Variants in LONP2 observed in about 807,000 individuals in gnomAD.
The protein encoded by LONP2 is lon peptidase 2, peroxisomal.
A neutral mutation model predicts 85.6 loss-of-function variants in LONP2; 60 were observed. The observed-to-expected ratio is 0.70, with a 90% CI of 0.57 to 0.87. LONP2 has a LOEUF of 0.87. LONP2 is among the 40% of genes least tolerant of loss of function. The pLI is 0.00. For synonymous variants in LONP2, 395 were observed against 389.7 expected (o/e 1.01, Z -0.16); for missense variants, 860 against 1,063.5 (o/e 0.81, Z 2.66).
intron 9 of LONP2, 127 bp downstream of exon 9, chr16:48,296,292 G>T (rs1235747596): frequency 9.5e-7 from 1 of 1,055,574 alleles, no homozygotes; most frequent in African/African-American, 1.6e-5. Context: ...AAGTTCTGAG[G>T]AATGTATATA....
intron 4 of LONP2, among the ~76,000 whole-genome samples, chr16:48,259,218 G>C (rs1596914730): frequency 6.6e-6 from 1 of 152,068 alleles, no homozygotes; most frequent in South Asian, 2.1e-4. Context: ...TCAGTGGCTT[G>C]ATAAATATTC....
intron 11 of LONP2, among the ~76,000 whole-genome samples, chr16:48,317,979 G>A (rs1186593013): frequency 6.6e-6 from 1 of 152,072 alleles, no homozygotes; most frequent in Non-Finnish European, 1.5e-5. Flanking sequence ...TCAACCTAAT[G>A]TAGTGGAAGG....
At chr16:48,285,829 T>C (rs1239975123) in intron 8 of LONP2, among the ~76,000 whole-genome samples, 1 of 152,222 alleles carries the variant, frequency 6.6e-6, no homozygotes, top group Non-Finnish European at 1.5e-5. Flanking sequence ...TTTACCACTT[T>C]TATGTGTACA....
chr16:48,288,901 AC>A (rs771691639), intron 8 of LONP2, among the ~76,000 whole-genome samples: 1 of 152,220 alleles, frequency 6.6e-6, no homozygotes, highest in Non-Finnish European at 1.5e-5. Context: ...ATATATATGT[AC>A]CAGTGTGCCC....
chr16:48,311,486 T>A (rs1454083194), intron 11 of LONP2, among the ~76,000 whole-genome samples: 1 of 151,966 alleles, frequency 6.6e-6, no homozygotes, highest in Non-Finnish European at 1.5e-5. Flanking sequence ...CTTCAATGAA[T>A]TTTTTATTTC....
intron 12 of LONP2, among the ~76,000 whole-genome samples, chr16:48,336,990 C>T (rs747543938): frequency 3.3e-5 from 5 of 152,188 alleles, no homozygotes; most frequent in Non-Finnish European, 5.9e-5. Flanking sequence ...CACAGTCTAC[C>T]TCTGCTTTTG....
At chr16:48,277,545 T>C in intron 8 of LONP2, 66 bp downstream of exon 8, 1 of 1,517,770 alleles carries the variant, frequency 6.6e-7, no homozygotes, top group Non-Finnish European at 9.0e-7. Flanking sequence ...TTGATAATCA[T>C]ATTCAAGTGA....
chr16:48,334,541 G>T, intron 12 of LONP2, 183 bp downstream of exon 12: 1 of 737,100 alleles, frequency 1.4e-6, no homozygotes, highest in East Asian at 2.5e-5. Context: ...GACTGCATGG[G>T]GGCGCAGGCG....
At chr16:48,341,293 C>A (rs544427275) in intron 12 of LONP2, among the ~76,000 whole-genome samples, 1 of 151,988 alleles carries the variant, frequency 6.6e-6, no homozygotes, top group East Asian at 1.9e-4. Flanking sequence ...GAGTGAGACT[C>A]CATCTCAAAA....
Position 48,277,368 on chromosome 16 carries a change from C to T in LONP2, c.1272C>T (p.Arg424=), listed in dbSNP as rs1402785387. 7 of 1,613,406 alleles carry T rather than the reference C, an allele frequency of 4.3e-6. No individual in the cohort carries two copies. The South Asian group carries it at 6.6e-5, about 15-fold the overall frequency. ...RRTYVGSMPG[R]IINGLKTVGV... ...CCTATGTTGGCAGCATGCCTGGTCG[C>T]ATCATCAACGGCTTGAAGACTGTGG... is the stretch of plus-strand genomic sequence containing the variant. Residue 424 remains arginine (R), a synonymous_variant, in exon 8 of 15, where the codon CGC becomes CGT. Transcript: ENST00000285737.
intron 11 of LONP2, among the ~76,000 whole-genome samples, chr16:48,309,527 G>C (rs1183896809): frequency 6.6e-6 from 1 of 152,094 alleles, no homozygotes; most frequent in Non-Finnish European, 1.5e-5. Context: ...ATAGAGTGTG[G>C]AATAATAGAC....
chr16:48,322,071 C>T (rs559250740), intron 11 of LONP2, among the ~76,000 whole-genome samples: 1 of 151,704 alleles, frequency 6.6e-6, no homozygotes, highest in East Asian at 1.9e-4. Context: ...CAGGTGTGTG[C>T]CACCACACCC....
intron 2 of LONP2, 91 bp from the exon 3 acceptor site, chr16:48,256,519 C>G: frequency 1.5e-6 from 2 of 1,343,850 alleles, no homozygotes; most frequent in African/African-American, 2.9e-5. Flanking sequence ...AAGACTGAGG[C>G]CCAAACATTA....
chr16:48,262,757 C>T (rs778918922), intron 5 of LONP2, 21 bp from the exon 6 acceptor site: 5 of 1,470,018 alleles, frequency 3.4e-6, no homozygotes, highest in South Asian at 2.4e-5. Context: ...AACATGTTTG[C>T]TGTGTATTCT....
chr16:48,349,781 AAATGG>A (rs1960083788), intron 14 of LONP2, among the ~76,000 whole-genome samples: 3 of 152,258 alleles, frequency 2.0e-5, no homozygotes, highest in East Asian at 3.8e-4. Context: ...ACAAACAGGA[AAATGG>A]AATGGAACAA....
intron 13 of LONP2, 36 bp from the exon 14 acceptor site, chr16:48,348,063 AT>A (rs1960024446): frequency 6.5e-7 from 1 of 1,545,664 alleles, no homozygotes. Context: ...AACAGGTTTA[AT>A]TTTTCTACAT....
intron 3 of LONP2, among the ~76,000 whole-genome samples, chr16:48,258,122 A>C (rs139260860): frequency 0.012 from 1,866 of 152,198 alleles, 40 homozygotes; most frequent in African/African-American, 0.042. Flanking sequence ...CCGAGGTGGG[A>C]AGATCACGAG....
At chr16:48,323,619 C>A (rs1461990397) in intron 11 of LONP2, among the ~76,000 whole-genome samples, 3 of 150,584 alleles carry the variant, frequency 2.0e-5, no homozygotes, top group African/African-American at 7.4e-5. Flanking sequence ...GATTGTGCCA[C>A]TGCACTCCAG....
At chr16:48,286,510 T>C (rs1214193972) in intron 8 of LONP2, among the ~76,000 whole-genome samples, 1 of 151,936 alleles carries the variant, frequency 6.6e-6, no homozygotes, top group Non-Finnish European at 1.5e-5. Flanking sequence ...TGACTTCTCT[T>C]TTTCTTTTTT....
Sources: allele counts gnomAD v4.1 joint callset (sites outside exome capture counted in the v4.1 genomes callset), GRCh38; gene constraint gnomAD v4.1.1; transcripts MANE v1.5; gene names NCBI Gene and HGNC (gene_info 2026-07-23, HGNC 2026-07-21).